The following SPAG16 variants were observed in gnomAD, a reference collection of about 807,000 sequenced individuals.
SPAG16 encodes the protein sperm associated antigen 16, also known as sperm-associated antigen 16 protein.
SPAG16 carries 86 observed loss-of-function variants against 80.4 expected under a neutral mutation model. The observed-to-expected ratio is 1.07, with a 90% CI of 0.90 to 1.28. The LOEUF is 1.28. Ranked by LOEUF, SPAG16 falls within the 50% of genes most tolerant of loss-of-function variation. SPAG16 has a pLI of 0.00. For missense variants in SPAG16, 870 were observed against 765.3 expected, an observed-to-expected ratio of 1.14 and a Z score of -1.61; for synonymous variants, 294 against 265.9, an observed-to-expected ratio of 1.11 and a Z score of -1.03.
chr2:214,275,540 T>A (rs1692401221), intron 15 of SPAG16, among the ~76,000 whole-genome samples: 1 of 152,216 alleles, frequency 6.6e-6, no homozygotes, highest in Admixed American at 6.5e-5. Flanking sequence ...CTGCCTTCAT[T>A]TCATTATTTA....
At chr2:213,894,130 C>G (rs1363605151) in intron 11 of SPAG16, among the ~76,000 whole-genome samples, 1 of 152,024 alleles carries the variant, frequency 6.6e-6, no homozygotes, top group African/African-American at 2.4e-5. Context: ...AGATTAAAGG[C>G]TATAAAGGAG....
chr2:213,383,812 T>C (rs1158651299), intron 9 of SPAG16, among the ~76,000 whole-genome samples: 3 of 152,232 alleles, frequency 2.0e-5, no homozygotes, highest in Non-Finnish European at 4.4e-5. Context: ...AGTGATGTTC[T>C]ATAATATTTC....
At chr2:214,004,230 G>T (rs1041624046) in intron 12 of SPAG16, among the ~76,000 whole-genome samples, 4 of 152,120 alleles carry the variant, frequency 2.6e-5, no homozygotes, top group African/African-American at 9.7e-5. Context: ...AAGGGAAGAG[G>T]GTCTGGCGTG....
At chr2:213,579,509 A>G (rs1474315585) in intron 10 of SPAG16, among the ~76,000 whole-genome samples, 1 of 152,154 alleles carries the variant, frequency 6.6e-6, no homozygotes, top group African/African-American at 2.4e-5. Context: ...CATTTGATCT[A>G]AAATAAGTGC....
At chr2:213,405,241 T>A (rs2068548477) in intron 9 of SPAG16, among the ~76,000 whole-genome samples, 1 of 152,188 alleles carries the variant, frequency 6.6e-6, no homozygotes, top group African/African-American at 2.4e-5. Flanking sequence ...TTTTAGCTAT[T>A]AAGATTTCCA....
chr2:213,855,403 T>A lies in SPAG16; in HGVS notation c.1071-7082T>A, dbSNP rs193138668. 6.8e-4 allele frequency among the ~76,000 whole-genome samples: 103 copies of A among 152,348 alleles called. 1 individual carries two copies. Among genetic ancestry groups the A allele is most frequent in the Non-Finnish European group, 1.3e-3 (87 of 68,028 alleles). ...AGCTTTGTGACCTCGGGTGGATCAC[T>A]TAACCTCTATGTATCCCAGTTCCTC... On this transcript the variant is annotated intron_variant, in intron 10 of 15. Transcript: ENST00000331683.
At chr2:214,178,233 G>A (rs1034111566) in intron 15 of SPAG16, among the ~76,000 whole-genome samples, 3 of 150,068 alleles carry the variant, frequency 2.0e-5, no homozygotes, top group Non-Finnish European at 3.0e-5. Flanking sequence ...CTTCAGACAG[G>A]AGATATCAGA....
At position 214,271,851 on chromosome 2, in the gene SPAG16, C is replaced by A. The variant is rs574493298; in HGVS notation, c.1720+122585C>A. ...AGAGAAACTGTGGGAAACCCCCCCC[C>A]CAAAAAAAAAGAAAGAAAAAAGGAA... is the stretch of plus-strand genomic sequence containing the variant. On this transcript the variant is annotated intron_variant, in intron 15 of 15. Transcript: ENST00000331683. Among the ~76,000 whole-genome samples the A allele has an allele frequency of 1.3e-4, 19 of 145,658 alleles. No homozygotes were observed. In the South Asian group the frequency reaches 4.2e-3, roughly 32 times the overall value.
At chr2:214,155,994 A>C (rs2056196935) in intron 15 of SPAG16, among the ~76,000 whole-genome samples, 1 of 152,162 alleles carries the variant, frequency 6.6e-6, no homozygotes, top group Non-Finnish European at 1.5e-5. Context: ...CTCTTATTCT[A>C]ATAATTGTAT....
chr2:213,816,482 T>C (rs1370557323), intron 10 of SPAG16, among the ~76,000 whole-genome samples: 1 of 152,082 alleles, frequency 6.6e-6, no homozygotes, highest in Admixed American at 6.6e-5. Flanking sequence ...TTAGCTTTAC[T>C]CTGTAATTTT....
At chr2:213,363,315 G>A (rs1238894033) in intron 7 of SPAG16, among the ~76,000 whole-genome samples, 2 of 151,866 alleles carry the variant, frequency 1.3e-5, no homozygotes, top group African/African-American at 2.4e-5. Flanking sequence ...GGAATAGATA[G>A]TAATCTTTTA....
At chr2:213,804,691 AACTAAC>A (rs1559482847) in intron 10 of SPAG16, among the ~76,000 whole-genome samples, 42 of 98,394 alleles carry the variant, frequency 4.3e-4, no homozygotes, top group African/African-American at 1.1e-3. Flanking sequence ...TCAACTAACT[AACTAAC>A]TAACTAACTA....
intron 13 of SPAG16, among the ~76,000 whole-genome samples, chr2:214,028,358 G>A (rs2048240613): frequency 6.6e-6 from 1 of 152,050 alleles, no homozygotes; most frequent in South Asian, 2.1e-4. Flanking sequence ...TCACTTGGCA[G>A]ATAGATGATG....
intron 14 of SPAG16, among the ~76,000 whole-genome samples, chr2:214,126,023 CT>C (rs2054463542): frequency 1.6e-4 from 1 of 6,090 alleles, no homozygotes; most frequent in African/African-American, 2.6e-4. Context: ...TCCTTCCTTC[CT>C]TCCTTCCTTC....
At chr2:214,214,231 C>T (rs2058372438) in intron 15 of SPAG16, among the ~76,000 whole-genome samples, 1 of 144,650 alleles carries the variant, frequency 6.9e-6, no homozygotes, top group Non-Finnish European at 1.5e-5. Flanking sequence ...AATGCAGTGG[C>T]ACAATCTGGC....
chr2:213,573,266 T>G (rs1266628822), intron 10 of SPAG16, among the ~76,000 whole-genome samples: 4 of 152,200 alleles, frequency 2.6e-5, no homozygotes, highest in Non-Finnish European at 4.4e-5. Context: ...CCTCCCCTTC[T>G]CTAATCAACA....
At chr2:213,399,897 A>C (rs1175982548) in intron 9 of SPAG16, among the ~76,000 whole-genome samples, 2 of 152,036 alleles carry the variant, frequency 1.3e-5, no homozygotes, top group East Asian at 3.8e-4. Context: ...GAATATGACC[A>C]TTTCATCTGA....
chr2:213,668,696 T>C (rs1379567110), intron 10 of SPAG16, among the ~76,000 whole-genome samples: 1 of 152,166 alleles, frequency 6.6e-6, no homozygotes, highest in Non-Finnish European at 1.5e-5. Context: ...GTACAATGGC[T>C]GGAGTGCAAT....
intron 12 of SPAG16, among the ~76,000 whole-genome samples, chr2:213,955,992 T>G (rs2044105242): frequency 6.6e-6 from 1 of 151,892 alleles, no homozygotes; most frequent in Non-Finnish European, 1.5e-5. Context: ...TTTTTTGAGA[T>G]GGAGTTTCGC....
Sources: gnomAD v4.1 joint callset for allele counts (sites outside exome capture counted in the v4.1 genomes callset) on GRCh38, gnomAD v4.1.1 for gene constraint, MANE v1.5 for transcripts, NCBI Gene and HGNC (gene_info 2026-07-23, HGNC 2026-07-21) for gene names.